TMA7: variants seen among roughly 807,000 people sequenced by gnomAD.
TMA7 encodes translation machinery associated 7 homolog.
A neutral mutation model predicts 12.5 loss-of-function variants in TMA7; 5 were observed. The ratio of observed to expected loss-of-function variants is 0.40; its 90% CI spans 0.21 to 0.84. The LOEUF is 0.84. Ranked by LOEUF, TMA7 falls within the 40% of genes least tolerant of loss-of-function variation. The pLI is 0.36. For missense variants in TMA7, 71 were observed against 75.4 expected (o/e 0.94, Z 0.22); for synonymous variants, 36 against 28.1 (o/e 1.28, Z -0.89).
At chr3:48,443,076 C>T (rs2039603908) in intron 3 of TMA7, among the ~76,000 whole-genome samples, 1 of 151,358 alleles carries the variant, frequency 6.6e-6, no homozygotes, top group Non-Finnish European at 1.5e-5. Flanking sequence ...CCCATCTCTA[C>T]TAAAAATACA....
chr3:48,443,734 T>A (rs2039619279), intron 3 of TMA7, 114 bp from the exon 4 acceptor site: 2 of 726,920 alleles, frequency 2.8e-6, no homozygotes, highest in Non-Finnish European at 2.1e-6. Flanking sequence ...ATGCTTGTGT[T>A]AAAGTGAATG....
chr3:48,440,530 C>T lies in TMA7; in HGVS notation c.73-11C>T, dbSNP rs377434242. The T allele has an allele frequency of 6.2e-7, 1 of 1,609,648 alleles. No individual in the cohort carries two copies. Among genetic ancestry groups the T allele is most frequent in the African/African-American group, 1.3e-5 (1 of 74,830 alleles). ...ACAGGCCTGAGTTGAACACGCTCTGCCTCTCCCCAGGAAGATAAGGCTTTC... is the reference window on the plus strand; with the variant it reads ...ACAGGCCTGAGTTGAACACGCTCTGTCTCTCCCCAGGAAGATAAGGCTTTC... On this transcript the variant is annotated splice_polypyrimidine_tract_variant and intron_variant, in intron 2 of 3. Transcript: ENST00000438607.
chr3:48,444,114 A>G lies in TMA7; in HGVS notation c.*232A>G, dbSNP rs138163950. On this transcript the variant is annotated 3_prime_UTR_variant, in exon 4 of 4. Transcript: ENST00000438607. ...CTACCATAACTGTGAATTTAAAGTA[A>G]AACCAGCTCAGAATCTTGCCAGAGT... 2,472 of 371,974 alleles carry G rather than the reference A, an allele frequency of 6.6e-3. 17 individuals are homozygous for G. The highest frequency in any genetic ancestry group is 9.0e-3 in the Non-Finnish European group (1,888 of 208,880). 23.0% of individuals were successfully genotyped at this position (371,974 alleles called of 1,614,324 possible).
At chr3:48,443,703 G>A (rs1252748746) in intron 3 of TMA7, 145 bp from the exon 4 acceptor site, 4 of 548,930 alleles carry the variant, frequency 7.3e-6, no homozygotes, top group African/African-American at 4.0e-5. Context: ...AGAACAGACA[G>A]TATCAGTGAA....
intron 3 of TMA7, 44 bp downstream of exon 3, chr3:48,440,672 A>G: frequency 6.4e-7 from 1 of 1,570,784 alleles, no homozygotes. Context: ...AAACGCTATG[A>G]GCACCTATTG....
At chr3:48,441,248 C>G (rs981985695) in intron 3 of TMA7, among the ~76,000 whole-genome samples, 2 of 152,016 alleles carry the variant, frequency 1.3e-5, no homozygotes, top group African/African-American at 2.4e-5. Flanking sequence ...GTTTCACCAT[C>G]TTAGCCAGGC....
In TMA7 at chr3:48,440,584, A is replaced by G; in HGVS notation, c.116A>G (p.Lys39Arg). ...FKQKQKEEQK[K>R]LEELKAKAAG... Reference sequence around the variant, plus strand: ...CAGAAACAAAAAGAGGAGCAGAAGAAACTCGAGGAGCTAAAAGCGAAGGCC... The same window carrying G: ...CAGAAACAAAAAGAGGAGCAGAAGAGACTCGAGGAGCTAAAAGCGAAGGCC... Residue 39 changes from lysine to arginine, a missense_variant, in exon 3 of 4, where the codon AAA becomes AGA. Lys to Arg is a conservative substitution (Grantham distance 26, BLOSUM62 2). Coordinates refer to ENST00000438607, the MANE Select transcript of TMA7 (RefSeq NM_015933.6). The G allele has an allele frequency of 1.2e-6, 2 of 1,611,902 alleles. No individual in the cohort carries two copies. Among genetic ancestry groups the G allele is most frequent in the Non-Finnish European group, 8.5e-7 (1 of 1,179,776 alleles).
chr3:48,440,343 G>C, intron 1 of TMA7, 31 bp downstream of exon 1: 1 of 1,611,924 alleles, frequency 6.2e-7, no homozygotes, highest in Non-Finnish European at 8.5e-7. Flanking sequence ...AGGACTGCGG[G>C]GACGGCGGGG....
intron 3 of TMA7, 147 bp from the exon 4 acceptor site, chr3:48,443,701 C>A: frequency 1.9e-6 from 1 of 533,806 alleles, no homozygotes; most frequent in African/African-American, 2.0e-5. Flanking sequence ...CTAGAACAGA[C>A]AGTATCAGTG....
intron 3 of TMA7, among the ~76,000 whole-genome samples, chr3:48,443,083 T>C (rs1192404394): frequency 1.3e-5 from 2 of 150,306 alleles, no homozygotes; most frequent in Non-Finnish European, 3.0e-5. Context: ...CTACTAAAAA[T>C]ACAAAAATTA....
intron 1 of TMA7, 33 bp downstream of exon 1, chr3:48,440,345 A>G (rs780965788): frequency 2.0e-5 from 32 of 1,611,558 alleles, no homozygotes; most frequent in Middle Eastern, 3.3e-4. Flanking sequence ...GACTGCGGGG[A>G]CGGCGGGGTG....
intron 3 of TMA7, among the ~76,000 whole-genome samples, chr3:48,441,510 A>G (rs905904947): frequency 2.0e-5 from 3 of 146,774 alleles, no homozygotes; most frequent in African/African-American, 7.6e-5. Flanking sequence ...CGTACTGCTT[A>G]TATTATCTCT....
intron 3 of TMA7, 123 bp downstream of exon 3, chr3:48,440,751 G>A: frequency 1.2e-6 from 1 of 852,380 alleles, no homozygotes; most frequent in Non-Finnish European, 1.9e-6. Flanking sequence ...GACGTCCGCT[G>A]CAGCGAATGG....
rs534806553 is a variant in TMA7 at position 48,440,325 on chromosome 3, G to T, written c.16+13G>T. 3 of 1,611,536 alleles carry T rather than the reference G, an allele frequency of 1.9e-6. No individual in the cohort carries two copies. Among genetic ancestry groups the T allele is most frequent in the South Asian group, 1.1e-5 (1 of 91,020 alleles). ...TCCGGCCGCGAAGGTAAGTGTTCCG[G>T]AACCGTGAGGACTGCGGGGACGGCG... On this transcript the variant is annotated intron_variant, in intron 1 of 3. Transcript: ENST00000438607.
At chr3:48,443,732 G>T (rs1473057684) in intron 3 of TMA7, 116 bp from the exon 4 acceptor site, 3 of 714,278 alleles carry the variant, frequency 4.2e-6, no homozygotes, top group Admixed American at 3.8e-5. Context: ...CCATGCTTGT[G>T]TTAAAGTGAA....
rs768333770 is a variant in TMA7 at position 48,440,344 on chromosome 3, G to A, written c.16+32G>A. Reference sequence around the variant, plus strand: ...GTTCCGGAACCGTGAGGACTGCGGGGACGGCGGGGTGGGGACCGGGCGGCA... The same window carrying A: ...GTTCCGGAACCGTGAGGACTGCGGGAACGGCGGGGTGGGGACCGGGCGGCA... On this transcript the variant is annotated intron_variant, in intron 1 of 3. Transcript: ENST00000438607. The A allele has an allele frequency of 2.5e-6, 4 of 1,611,926 alleles. No individual in the cohort carries two copies. In the South Asian group the frequency reaches 4.4e-5, roughly 18 times the overall value.
At position 48,440,422 on chromosome 3, in the gene TMA7, G is replaced by C; in HGVS notation, c.36G>C (p.Leu12=). The change falls in exon 2 of 4, where the codon CTG becomes CTC. Residue 12 remains leucine (L), a synonymous_variant. Transcript: ENST00000438607. ...SGREGGKKKP[L]KQPKKQAKEM... Reference sequence around the variant, plus strand: ...CCACAGGTGGCAAGAAGAAGCCACTGAAACAGCCCAAGAAGCAGGCCAAGG... The same window carrying C: ...CCACAGGTGGCAAGAAGAAGCCACTCAAACAGCCCAAGAAGCAGGCCAAGG... The C allele has an allele frequency of 6.2e-7, 1 of 1,612,534 alleles. No individual in the cohort carries two copies.
intron 3 of TMA7, among the ~76,000 whole-genome samples, chr3:48,441,713 T>C (rs939149476): frequency 2.6e-5 from 4 of 152,218 alleles, no homozygotes; most frequent in African/African-American, 4.8e-5. Context: ...GTTCTAGTAC[T>C]TTATGTGCAT....
chr3:48,440,866 C>T, intron 3 of TMA7: 1 of 582,766 alleles, frequency 1.7e-6, no homozygotes, highest in Non-Finnish European at 3.1e-6. Context: ...GGAAGAGCTG[C>T]AGAAACGGAA....
Sources: gnomAD v4.1 joint callset for allele counts (sites outside exome capture counted in the v4.1 genomes callset) on GRCh38, gnomAD v4.1.1 for gene constraint, MANE v1.5 for transcripts, NCBI Gene and HGNC (gene_info 2026-07-23, HGNC 2026-07-21) for gene names.